The following WIF1 variants were observed in gnomAD, a reference collection of about 807,000 sequenced individuals.
WIF1 encodes the protein Wnt inhibitory factor 1.
WIF1 carries 35 observed loss-of-function variants against 53.5 expected under a neutral mutation model. That is an observed-to-expected ratio of 0.65 (90% CI 0.50 to 0.87). WIF1 has a LOEUF of 0.87. Ranked by LOEUF, WIF1 falls within the 40% of genes least tolerant of loss-of-function variation. The pLI is 0.00. For synonymous variants in WIF1, 171 were observed against 170.4 expected, an observed-to-expected ratio of 1.00 and a Z score of -0.03; for missense variants, 467 against 476.8, an observed-to-expected ratio of 0.98 and a Z score of 0.19.
At chr12:65,074,834 A>AG (rs1555186497) in intron 3 of WIF1, among the ~76,000 whole-genome samples, 20 of 142,572 alleles carry the variant, frequency 1.4e-4, no homozygotes, top group East Asian at 7.7e-4. Flanking sequence ...AAAAAAAAAA[A>AG]AAAAGAAAAG....
At chr12:65,099,704 C>T (rs1253827849) in intron 2 of WIF1, among the ~76,000 whole-genome samples, 1 of 152,190 alleles carries the variant, frequency 6.6e-6, no homozygotes, top group Non-Finnish European at 1.5e-5. Flanking sequence ...GGATATACAG[C>T]TCTGGGAGCG....
At chr12:65,057,339 C>T (rs924583256) in intron 7 of WIF1, among the ~76,000 whole-genome samples, 5 of 152,140 alleles carry the variant, frequency 3.3e-5, no homozygotes, top group East Asian at 1.9e-4. Flanking sequence ...ATGAGTATTA[C>T]GAATGCTTTT....
chr12:65,105,453 T>C (rs1433685372), intron 2 of WIF1, among the ~76,000 whole-genome samples: 1 of 152,194 alleles, frequency 6.6e-6, no homozygotes, highest in African/African-American at 2.4e-5. Flanking sequence ...AAGAGTTTAT[T>C]TAGCTCTTGA....
At chr12:65,063,179 A>C (rs1184224748) in intron 6 of WIF1, among the ~76,000 whole-genome samples, 1 of 152,186 alleles carries the variant, frequency 6.6e-6, no homozygotes, top group Non-Finnish European at 1.5e-5. Context: ...CACAGCAGGG[A>C]CCAGAGGATG....
intron 6 of WIF1, among the ~76,000 whole-genome samples, chr12:65,063,859 G>A (rs545912692): frequency 2.0e-5 from 3 of 152,024 alleles, no homozygotes; most frequent in Non-Finnish European, 4.4e-5. Flanking sequence ...GAGTAAAGGT[G>A]TACACTACCA....
intron 2 of WIF1, among the ~76,000 whole-genome samples, chr12:65,111,481 C>A (rs1883430032): frequency 6.6e-6 from 1 of 152,156 alleles, no homozygotes; most frequent in Admixed American, 6.5e-5. Context: ...CCAGTTCCCC[C>A]AGAAAACTAT....
chr12:65,116,526 C>T (rs908981858), intron 2 of WIF1, among the ~76,000 whole-genome samples: 7 of 151,824 alleles, frequency 4.6e-5, no homozygotes, highest in Non-Finnish European at 7.4e-5. Context: ...CACATTATGG[C>T]GAGTTGTATA....
chr12:65,062,640 T>C (rs1592388362), intron 6 of WIF1, 64 bp from the exon 7 acceptor site: 1 of 1,456,248 alleles, frequency 6.9e-7, no homozygotes. Flanking sequence ...CAAATTTCAC[T>C]TAAAGTGAGG....
At chr12:65,117,835 C>T (rs956050958) in intron 2 of WIF1, among the ~76,000 whole-genome samples, 4 of 152,152 alleles carry the variant, frequency 2.6e-5, no homozygotes, top group Admixed American at 6.5e-5. Flanking sequence ...TATGCTGCTG[C>T]CGATCTGACA....
chr12:65,096,916 G>A (rs1163992351), intron 2 of WIF1, among the ~76,000 whole-genome samples: 2 of 151,774 alleles, frequency 1.3e-5, no homozygotes, highest in Non-Finnish European at 2.9e-5. Context: ...AATGCATGTG[G>A]GGCTTAAAAC....
chr12:65,057,342 A>G (rs1882544899), intron 7 of WIF1, among the ~76,000 whole-genome samples: 1 of 152,178 alleles, frequency 6.6e-6, no homozygotes, highest in Non-Finnish European at 1.5e-5. Flanking sequence ...AGTATTACGA[A>G]TGCTTTTCAC....
In WIF1 at chr12:65,052,114, C is replaced by T. The variant is rs1022783550; in HGVS notation, c.1019-644G>A. 3.9e-5 allele frequency among the ~76,000 whole-genome samples: 6 copies of T among 152,176 alleles called. No individual in the cohort carries two copies. In the South Asian group the frequency reaches 6.2e-4, roughly 16 times the overall value. On this transcript the variant is annotated intron_variant, in intron 9 of 9. Transcript: ENST00000286574. ...TACACAACTTCAGACCTCCCTTCTT[C>T]CTACTTGGGGTGATGCTCAGGGGCA...
intron 2 of WIF1, among the ~76,000 whole-genome samples, chr12:65,110,639 T>C (rs905949198): frequency 6.6e-6 from 1 of 151,476 alleles, no homozygotes; most frequent in Admixed American, 6.6e-5. Flanking sequence ...CTCCGTTGCC[T>C]TATCTGTCCA....
At chr12:65,090,188 G>A (rs532328407) in intron 2 of WIF1, among the ~76,000 whole-genome samples, 1 of 152,294 alleles carries the variant, frequency 6.6e-6, no homozygotes, top group South Asian at 2.1e-4. Flanking sequence ...CTGGTCCAGA[G>A]CTGGCTCTTG....
chr12:65,121,220 A>G lies in WIF1; in HGVS notation c.-29T>C. The G allele has an allele frequency of 6.9e-7, 1 of 1,444,724 alleles. No individual in the cohort carries two copies. 89.5% of individuals were successfully genotyped at this position (1,444,724 alleles called of 1,614,324 possible). A position where few individuals can be genotyped will look rare whatever the true frequency, so the allele number is the denominator to read the frequency against. ...GCTCAGGACCTCCTCGCTGCCGGGA[A>G]AACTCCTCGTGCCGCACCTACGCAA... On this transcript the variant is annotated 5_prime_UTR_variant, in exon 1 of 10. Coordinates refer to ENST00000286574, the MANE Select transcript of WIF1 (RefSeq NM_007191.5).
At chr12:65,088,583 A>G (rs1883077352) in intron 2 of WIF1, among the ~76,000 whole-genome samples, 1 of 152,084 alleles carries the variant, frequency 6.6e-6, no homozygotes, top group South Asian at 2.1e-4. Flanking sequence ...AATTTCTCAT[A>G]AAAGGTTACT....
intron 4 of WIF1, 109 bp from the exon 5 acceptor site, chr12:65,067,899 A>G (rs1472292775): frequency 2.4e-6 from 2 of 819,476 alleles, no homozygotes; most frequent in South Asian, 1.7e-5. Context: ...CCACCAATTA[A>G]TCATAATTGA....
chr12:65,075,783 A>G (rs1410889700), intron 3 of WIF1, among the ~76,000 whole-genome samples: 1 of 152,206 alleles, frequency 6.6e-6, no homozygotes, highest in African/African-American at 2.4e-5. Context: ...ATAGGATTTT[A>G]AAGCCTCTGC....
At chr12:65,070,486 AT>A (rs1882756370) in intron 3 of WIF1, among the ~76,000 whole-genome samples, 1 of 152,188 alleles carries the variant, frequency 6.6e-6, no homozygotes, top group African/African-American at 2.4e-5. Flanking sequence ...TTGACAAGTA[AT>A]TTCTTTAAAT....
Sources: gnomAD v4.1 joint callset for allele counts (sites outside exome capture counted in the v4.1 genomes callset) on GRCh38, gnomAD v4.1.1 for gene constraint, MANE v1.5 for transcripts, NCBI Gene and HGNC (gene_info 2026-07-23, HGNC 2026-07-21) for gene names.